NHSL3: variants seen among roughly 807,000 people sequenced by gnomAD.
NHSL3 encodes the protein NHS-like protein 3.
chr1:32,760,520 C>T, the NHSL3 span, among the ~76,000 whole-genome samples: 7 of 151,402 alleles, frequency 4.6e-5, no homozygotes, highest in African/African-American at 1.7e-4. Flanking sequence ...TGGGTCTGTG[C>T]GGTCGCTCAT....
At chr1:32,774,378 TCTC>T in the NHSL3 span, 23 of 152,352 alleles carry the variant, frequency 1.5e-4, no homozygotes, top group African/African-American at 4.8e-4. Context: ...ACTACTGTCT[TCTC>T]CTTGTAGCTA....
chr1:32,772,595 G>T, the NHSL3 span, among the ~76,000 whole-genome samples: 1 of 152,212 alleles, frequency 6.6e-6, no homozygotes, highest in African/African-American at 2.4e-5. Flanking sequence ...GGGGCCCAGA[G>T]GAGAATGGTG....
At chr1:32,772,769 TAAG>T in the NHSL3 span, 9 of 1,214,422 alleles carry the variant, frequency 7.4e-6, no homozygotes, top group Admixed American at 1.4e-4. Context: ...ATCAAAGCGG[TAAG>T]AAGGTTGGGT....
chr1:32,759,437 C>G, the NHSL3 span, among the ~76,000 whole-genome samples: 4 of 152,336 alleles, frequency 2.6e-5, no homozygotes, highest in South Asian at 8.3e-4. Context: ...ATTATTATGT[C>G]ATTGCTGGGA....
At chr1:32,773,228 GTT>G in the NHSL3 span, 1 of 386,504 alleles carries the variant, frequency 2.6e-6, no homozygotes, top group Non-Finnish European at 4.8e-6. Flanking sequence ...CCTCACCTGA[GTT>G]TCATTTTTTT....
chr1:32,771,859 G>C, the NHSL3 span: 1 of 1,598,266 alleles, frequency 6.3e-7, no homozygotes, highest in Non-Finnish European at 8.5e-7. Context: ...CTCCGTGGGT[G>C]CTCCAGGAGG....
the NHSL3 span, among the ~76,000 whole-genome samples, chr1:32,746,446 G>A: frequency 6.6e-6 from 1 of 152,118 alleles, no homozygotes. Flanking sequence ...TGGCTAATCT[G>A]AATGGGAAGA....
At chr1:32,742,325 G>T in the NHSL3 span, 1 of 865,712 alleles carries the variant, frequency 1.2e-6, no homozygotes, top group Non-Finnish European at 1.5e-6. Flanking sequence ...GAAGAGGCCA[G>T]GGCTGAGTCC....
the NHSL3 span, among the ~76,000 whole-genome samples, chr1:32,760,213 G>A: frequency 9.0e-3 from 1,369 of 152,226 alleles, 26 homozygotes; most frequent in African/African-American, 0.031. Context: ...CAGAGGGTTC[G>A]GCCTCCTGAG....
At chr1:32,768,843 C>T in the NHSL3 span, 1 of 1,558,766 alleles carries the variant, frequency 6.4e-7, no homozygotes, top group Non-Finnish European at 8.7e-7. Flanking sequence ...GCTTCTTTTC[C>T]TCCTTATCCA....
chr1:32,771,696 G>A, the NHSL3 span: 19 of 1,611,584 alleles, frequency 1.2e-5, no homozygotes, highest in South Asian at 1.8e-4. Flanking sequence ...CTCCAGCTCC[G>A]CCAGCCCCAG....
the NHSL3 span, among the ~76,000 whole-genome samples, chr1:32,763,390 T>C: frequency 6.6e-6 from 1 of 152,084 alleles, no homozygotes; most frequent in Non-Finnish European, 1.5e-5. Context: ...TACCATTCTT[T>C]CCATTGCTCA....
At chr1:32,743,781 C>T in the NHSL3 span, among the ~76,000 whole-genome samples, 11 of 152,284 alleles carry the variant, frequency 7.2e-5, no homozygotes, top group African/African-American at 2.4e-4. Flanking sequence ...GCCAGGCCTC[C>T]CTCTTGCCTT....
chr1:32,746,200 T>C, the NHSL3 span, among the ~76,000 whole-genome samples: 3 of 134,904 alleles, frequency 2.2e-5, no homozygotes, highest in Admixed American at 8.4e-5. Flanking sequence ...CACTGCACTC[T>C]AGCCTGGGCG....
At chr1:32,772,844 T>C in the NHSL3 span, 1 of 1,613,530 alleles carries the variant, frequency 6.2e-7, no homozygotes, top group South Asian at 1.1e-5. Context: ...TTGCTAAGTG[T>C]CTCTTATTTT....
At chr1:32,758,005 G>A in the NHSL3 span, among the ~76,000 whole-genome samples, 1 of 152,226 alleles carries the variant, frequency 6.6e-6, no homozygotes, top group Non-Finnish European at 1.5e-5. Flanking sequence ...TAGAGAGGAA[G>A]CAAGTGGGAA....
At chr1:32,754,179 AGGTAGGGGCCG>A in the NHSL3 span, 1 of 699,622 alleles carries the variant, frequency 1.4e-6, no homozygotes, top group Admixed American at 2.0e-5. Context: ...AGCGGCCGGC[AGGTAGGGGCCG>A]GGGTGGGGGC....
At chr1:32,768,172 CAAG>C in the NHSL3 span, 2 of 1,196,750 alleles carry the variant, frequency 1.7e-6, no homozygotes, top group Non-Finnish European at 2.5e-6. Flanking sequence ...TGACCCCTGG[CAAG>C]GATGTCTTGG....
the NHSL3 span, among the ~76,000 whole-genome samples, chr1:32,744,933 C>T: frequency 1.3e-5 from 2 of 151,732 alleles, no homozygotes; most frequent in East Asian, 3.9e-4. Flanking sequence ...CGAGACCAGC[C>T]TGGGCAACAC....
Sources: allele counts gnomAD v4.1 joint callset (sites outside exome capture counted in the v4.1 genomes callset), GRCh38; gene constraint gnomAD v4.1.1; transcripts MANE v1.5; gene names NCBI Gene and HGNC (gene_info 2026-07-23, HGNC 2026-07-21).